Variants in CABLES1 observed in about 807,000 individuals in gnomAD.
CABLES1 encodes Cdk5 and Abl enzyme substrate 1.
In CABLES1, 36 loss-of-function variants were observed where a neutral mutation model predicts 57.8. That is an observed-to-expected ratio of 0.62 (90% CI 0.48 to 0.82). The LOEUF (loss-of-function observed/expected upper bound fraction) is 0.82. Among genes scored for constraint, CABLES1 ranks in the 40% least tolerant of loss-of-function variants. The pLI, the probability that CABLES1 is intolerant of heterozygous loss-of-function variation, is 0.00. For missense variants in CABLES1, 767 were observed against 836.6 expected (o/e 0.92, Z 1.03); for synonymous variants, 374 against 363.0 (o/e 1.03, Z -0.35).
intron 3 of CABLES1, 101 bp from the exon 4 acceptor site, chr18:23,213,876 G>T: frequency 1.4e-6 from 1 of 737,268 alleles, no homozygotes; most frequent in Non-Finnish European, 2.3e-6. Context: ...TGCAAATACT[G>T]CTATGAATGC....
intron 3 of CABLES1, among the ~76,000 whole-genome samples, chr18:23,199,234 G>A (rs2047306256): frequency 6.6e-6 from 1 of 152,206 alleles, no homozygotes; most frequent in Non-Finnish European, 1.5e-5. Context: ...ATACATTGCT[G>A]GTGGAATATA....
intron 7 of CABLES1, among the ~76,000 whole-genome samples, chr18:23,245,577 C>A (rs958420216): frequency 1.3e-5 from 2 of 151,608 alleles, no homozygotes; most frequent in African/African-American, 4.9e-5. Flanking sequence ...ATCTGGATAA[C>A]TAAGTTGTGG....
Position 23,136,169 on chromosome 18 carries a change from C to A in CABLES1, c.407C>A (p.Ser136Tyr). The A allele has an allele frequency of 8.2e-7, 1 of 1,222,958 alleles. No individual in the cohort carries two copies. 75.8% of individuals were successfully genotyped at this position (1,222,958 alleles called of 1,614,324 possible). A position where few individuals can be genotyped will look rare whatever the true frequency, so the allele number is the denominator to read the frequency against. ...CCGGCTGCGGGGTTAGCCGCTGGGT[C>A]CGGCCCCTGCCTCCCACAGCCCTCG... is the stretch of plus-strand genomic sequence containing the variant. ...GTPAAGLAAG[S>Y]GPCLPQPSSL... The change falls in exon 1 of 10, where the codon TCC (serine) becomes TAC (tyrosine). Residue 136 changes from serine (S) to tyrosine (Y), a missense_variant. Transcript: ENST00000256925.
At chr18:23,251,914 A>C in intron 7 of CABLES1, among the ~76,000 whole-genome samples, 1 of 152,034 alleles carries the variant, frequency 6.6e-6, no homozygotes, top group South Asian at 2.1e-4. Context: ...GGTGAAACTC[A>C]GTCTCTCTTA....
In CABLES1 at chr18:23,257,336, C is replaced by G. The variant is rs1382167593; in HGVS notation, c.1871C>G (p.Pro624Arg). ...ALHLPEHEVMPHYRRLVQSS is the reference protein window; with the variant it reads ...ALHLPEHEVMRHYRRLVQSS Reference sequence around the variant, plus strand: ...CACTTGCCCGAGCACGAAGTCATGCCCCACTACAGACGGCTGGTCCAGAGT... The same window carrying G: ...CACTTGCCCGAGCACGAAGTCATGCGCCACTACAGACGGCTGGTCCAGAGT... The change falls in exon 10 of 10, where the codon CCC becomes CGC. Residue 624 changes from proline to arginine, a missense_variant. Physicochemically the swap from Pro to Arg is moderately radical, Grantham distance 103. Around this residue, in one of 4 missense-constraint regions of CABLES1, gnomAD observed 25 missense variants for 23.1 expected, o/e 1.08. Transcript: ENST00000256925. 1 of 1,612,474 alleles carries G rather than the reference C, an allele frequency of 6.2e-7. No individual in the cohort carries two copies.
Position 23,136,606 on chromosome 18 carries a change from C to G in CABLES1, c.844C>G (p.Arg282Gly), listed in dbSNP as rs760942253. 3 of 1,429,516 alleles carry G rather than the reference C, an allele frequency of 2.1e-6. No homozygotes were observed. Among genetic ancestry groups the G allele is most frequent in the South Asian group, 1.5e-5 (1 of 66,988 alleles). 88.6% of individuals were successfully genotyped at this position (1,429,516 alleles called of 1,614,324 possible). A position where few individuals can be genotyped will look rare whatever the true frequency, so the allele number is the denominator to read the frequency against. ...CGCCTTCGAGCAGCTGCAGAGGTCC[C>G]GGTGAGTATCCGGGATGCGACGCGC... The part of the protein sequence containing the change: ...TSAFEQLQRS[R>G]RRLISQRSSL... The change falls in exon 1 of 10, where the codon CGA becomes GGA. Residue 282 changes from arginine to glycine, a missense_variant and splice_region_variant. Coordinates refer to ENST00000256925, the MANE Select transcript of CABLES1 (RefSeq NM_001100619.3).
intron 3 of CABLES1, among the ~76,000 whole-genome samples, chr18:23,205,690 C>CT (rs1316538709): frequency 2.6e-5 from 4 of 152,106 alleles, no homozygotes; most frequent in African/African-American, 9.7e-5. Context: ...GACCGATATC[C>CT]TTATAGAAAG....
chr18:23,210,197 A>C (rs1413806145), intron 3 of CABLES1, among the ~76,000 whole-genome samples: 1 of 152,022 alleles, frequency 6.6e-6, no homozygotes, highest in Non-Finnish European at 1.5e-5. Context: ...TGGAAATGTG[A>C]CCTTTAATTC....
At chr18:23,224,763 G>T (rs2047515806) in intron 4 of CABLES1, among the ~76,000 whole-genome samples, 1 of 151,940 alleles carries the variant, frequency 6.6e-6, no homozygotes, top group Non-Finnish European at 1.5e-5. Context: ...TAGAGACGGG[G>T]TTTCACCATG....
intron 4 of CABLES1, 35 bp from the exon 5 acceptor site, chr18:23,234,573 A>G (rs757803247): frequency 5.8e-6 from 9 of 1,551,322 alleles, no homozygotes; most frequent in South Asian, 2.2e-5. Flanking sequence ...GGTGCACACA[A>G]AAGCATTTTT....
intron 4 of CABLES1, among the ~76,000 whole-genome samples, chr18:23,231,233 G>A (rs1229723291): frequency 6.6e-6 from 1 of 152,184 alleles, no homozygotes; most frequent in Non-Finnish European, 1.5e-5. Flanking sequence ...TCCTGCCAAG[G>A]AAGCACTGGG....
At chr18:23,225,817 T>C (rs1359088410) in intron 4 of CABLES1, among the ~76,000 whole-genome samples, 1 of 152,252 alleles carries the variant, frequency 6.6e-6, no homozygotes, top group East Asian at 1.9e-4. Flanking sequence ...TGCAAGCAAC[T>C]TTCTCAACTT....
At chr18:23,201,736 C>T (rs1321535149) in intron 3 of CABLES1, among the ~76,000 whole-genome samples, 1 of 152,174 alleles carries the variant, frequency 6.6e-6, no homozygotes. Context: ...GGGATGTATC[C>T]ATGAATAAAA....
intron 1 of CABLES1, among the ~76,000 whole-genome samples, chr18:23,152,470 A>G (rs1018633026): frequency 8.0e-5 from 12 of 149,156 alleles, no homozygotes; most frequent in African/African-American, 3.0e-4. Context: ...TCTCAAGTTT[A>G]TAATCGTTTG....
chr18:23,221,046 G>A (rs571382397), intron 4 of CABLES1, among the ~76,000 whole-genome samples: 5 of 152,274 alleles, frequency 3.3e-5, no homozygotes, highest in African/African-American at 1.2e-4. Flanking sequence ...ATACACCCAA[G>A]TTGCCCCCTG....
At chr18:23,207,497 T>G (rs538250260) in intron 3 of CABLES1, among the ~76,000 whole-genome samples, 2 of 152,312 alleles carry the variant, frequency 1.3e-5, no homozygotes, top group East Asian at 3.9e-4. Flanking sequence ...TTGCCTCCTT[T>G]AGGCTGGGTT....
At chr18:23,134,785 T>C (rs1431044177), upstream of CABLES1, 1 of 152,140 alleles carries the variant, frequency 6.6e-6, no homozygotes, top group Non-Finnish European at 1.5e-5. Context: ...GACAATACCA[T>C]GGATTGGGGA....
rs946961076 is a variant in CABLES1 at position 23,257,410 on chromosome 18, G to A, written c.*43G>A. ...GCCAAGGGCCATTTCTTCTCAGCTT[G>A]GTGGAGCAGCACTTACTTACTACTG... On this transcript the variant is annotated 3_prime_UTR_variant, in exon 10 of 10. Transcript: ENST00000256925. 6.5e-7 allele frequency: 1 copy of A among 1,542,470 alleles called. No individual in the cohort carries two copies. The highest frequency in any genetic ancestry group is 1.4e-5 in the African/African-American group (1 of 71,060).
intron 1 of CABLES1, among the ~76,000 whole-genome samples, chr18:23,157,854 G>A (rs1381037103): frequency 6.6e-6 from 1 of 151,996 alleles, no homozygotes; most frequent in Non-Finnish European, 1.5e-5. Context: ...TGCAGCATAG[G>A]ATGGTGATTT....
Sources: allele counts gnomAD v4.1 joint callset (sites outside exome capture counted in the v4.1 genomes callset), GRCh38; gene constraint gnomAD v4.1.1; regional missense constraint gnomAD v4.1.1; transcripts MANE v1.5; gene names NCBI Gene and HGNC (gene_info 2026-07-23, HGNC 2026-07-21).